Variants in GCA observed in about 807,000 individuals in gnomAD.
GCA encodes the protein grancalcin, EF-hand calcium-binding protein.
A neutral mutation model predicts 32.6 loss-of-function variants in GCA; 30 were observed. That is an observed-to-expected ratio of 0.92 (90% CI 0.69 to 1.25). The LOEUF is 1.25. Ranked by LOEUF, GCA falls within the 50% of genes most tolerant of loss-of-function variation. The probability of loss-of-function intolerance (pLI) is 0.00; values close to 1 mark genes in which losing one functional copy is unlikely to be tolerated. For missense variants in GCA, 291 were observed against 266.8 expected, an observed-to-expected ratio of 1.09 and a Z score of -0.63; for synonymous variants, 102 against 84.6, an observed-to-expected ratio of 1.21 and a Z score of -1.13.
At chr2:162,372,139 T>C (rs2105382225), downstream of GCA, 4 of 1,452,470 alleles carry the variant, frequency 2.8e-6, no homozygotes, top group Non-Finnish European at 1.9e-6. Context: ...TTCACATTGA[T>C]AGATAGTCAT....
downstream of GCA, among the ~76,000 whole-genome samples, chr2:162,375,028 T>C (rs1475107063): frequency 1.3e-5 from 2 of 152,178 alleles, no homozygotes; most frequent in African/African-American, 4.8e-5. Context: ...TTATACATAT[T>C]TTTCTTTCAT....
At chr2:162,327,542 A>C (rs1463418909) in intron 1 of GCA, among the ~76,000 whole-genome samples, 1 of 152,116 alleles carries the variant, frequency 6.6e-6, no homozygotes, top group Non-Finnish European at 1.5e-5. Context: ...GGTTCTGTTG[A>C]CATATTAAGC....
intron 2 of GCA, among the ~76,000 whole-genome samples, chr2:162,350,762 T>C (rs1458589448): frequency 6.6e-6 from 1 of 152,204 alleles, no homozygotes; most frequent in African/African-American, 2.4e-5. Context: ...TTTGAATAAA[T>C]AAACTCCATA....
At chr2:162,330,991 T>C (rs1254649185) in intron 1 of GCA, among the ~76,000 whole-genome samples, 1 of 152,236 alleles carries the variant, frequency 6.6e-6, no homozygotes, top group Non-Finnish European at 1.5e-5. Context: ...TCATCAACAT[T>C]GAATTCACAA....
At chr2:162,373,956 A>G (rs538150135), downstream of GCA, among the ~76,000 whole-genome samples, 3 of 152,310 alleles carry the variant, frequency 2.0e-5, no homozygotes, top group Admixed American at 6.5e-5. Flanking sequence ...TGTAAAACAC[A>G]CTGACAATTT....
At chr2:162,375,084 C>T (rs1485788255), downstream of GCA, among the ~76,000 whole-genome samples, 1 of 152,156 alleles carries the variant, frequency 6.6e-6, no homozygotes, top group Non-Finnish European at 1.5e-5. Context: ...ATCCCAAAAT[C>T]TTTCCTTATT....
intron 1 of GCA, among the ~76,000 whole-genome samples, chr2:162,345,966 A>C (rs1343725367): frequency 1.3e-5 from 2 of 152,196 alleles, no homozygotes; most frequent in Non-Finnish European, 2.9e-5. Flanking sequence ...TTATCTAATT[A>C]AGTGCATGAT....
At chr2:162,344,311 C>T (rs377659327) in intron 1 of GCA, 36 bp downstream of exon 1, 3 of 1,608,684 alleles carry the variant, frequency 1.9e-6, no homozygotes, top group African/African-American at 2.7e-5. Flanking sequence ...CCCTCTTCCT[C>T]GCGGGGTGTG....
intron 1 of GCA, among the ~76,000 whole-genome samples, chr2:162,328,795 C>T (rs911347839): frequency 1.3e-5 from 2 of 152,146 alleles, no homozygotes; most frequent in Admixed American, 6.5e-5. Flanking sequence ...CTGGAAAAAT[C>T]GGAATCAATC....
downstream of GCA, among the ~76,000 whole-genome samples, chr2:162,363,924 G>A (rs923262616): frequency 6.6e-6 from 1 of 151,438 alleles, no homozygotes; most frequent in Non-Finnish European, 1.5e-5. Flanking sequence ...ACATCACTAT[G>A]ATGTGCCATA....
intron 1 of GCA, among the ~76,000 whole-genome samples, chr2:162,320,530 G>C (rs1013216974): frequency 1.8e-4 from 27 of 152,106 alleles, no homozygotes. Flanking sequence ...ACTGAATATG[G>C]GGAACCAGTT....
At chr2:162,355,814 C>T (rs972410774) in intron 3 of GCA, among the ~76,000 whole-genome samples, 2 of 151,220 alleles carry the variant, frequency 1.3e-5, no homozygotes, top group South Asian at 2.1e-4. Flanking sequence ...TGGTCTATTA[C>T]AATAAATTAC....
At chr2:162,348,018 C>T (rs371764968) in intron 2 of GCA, among the ~76,000 whole-genome samples, 15 of 152,032 alleles carry the variant, frequency 9.9e-5, no homozygotes, top group African/African-American at 2.2e-4. Flanking sequence ...AGTATGCTTG[C>T]GTTACTGAAA....
intron 3 of GCA, among the ~76,000 whole-genome samples, chr2:162,354,689 A>G (rs1685173717): frequency 6.6e-6 from 1 of 152,162 alleles, no homozygotes; most frequent in Non-Finnish European, 1.5e-5. Context: ...TTTTCTCATT[A>G]CAAGTTCAGG....
At chr2:162,340,403 C>G (rs1684402914), upstream of GCA, among the ~76,000 whole-genome samples, 1 of 152,220 alleles carries the variant, frequency 6.6e-6, no homozygotes, top group Non-Finnish European at 1.5e-5. Context: ...ACCCTGCTGG[C>G]TATACCTTAA....
At chr2:162,371,574 AAAAAAT>A (rs1685948281) in exon 5 of GCA, 1 of 862,778 alleles carries the variant, frequency 1.2e-6, no homozygotes, top group Non-Finnish European at 1.6e-6. Flanking sequence ...CATGTGATTT[AAAAAAT>A]AAAAATAAAA....
In GCA at chr2:162,344,152, C is replaced by G. The variant is rs947784581; in HGVS notation, c.-97C>G. On this transcript the variant is annotated 5_prime_UTR_variant, in exon 1 of 8. Transcript: ENST00000437150. Reference sequence around the variant, plus strand: ...CGGTTAGTGCGCCTTTCAGCCTCACCTGCAGCTGCGCCTCCTTGCACCTGC... The same window carrying G: ...CGGTTAGTGCGCCTTTCAGCCTCACGTGCAGCTGCGCCTCCTTGCACCTGC... 3 of 1,332,970 alleles carry G rather than the reference C, an allele frequency of 2.3e-6. No homozygotes were observed. Among genetic ancestry groups the G allele is most frequent in the East Asian group, 4.6e-5 (2 of 43,272 alleles). 82.6% of individuals were successfully genotyped at this position (1,332,970 alleles called of 1,614,324 possible).
chr2:162,365,502 A>G (rs908370538), downstream of GCA, among the ~76,000 whole-genome samples: 1 of 151,680 alleles, frequency 6.6e-6, no homozygotes, highest in African/African-American at 2.4e-5. Flanking sequence ...TTATGTGCAT[A>G]AAAACTAGGA....
chr2:162,364,761 C>G (rs1451323132), downstream of GCA, among the ~76,000 whole-genome samples: 1 of 151,290 alleles, frequency 6.6e-6, no homozygotes, highest in Non-Finnish European at 1.5e-5. Flanking sequence ...AAGTATGAAA[C>G]TCGGGCAAAA....
Sources: allele counts gnomAD v4.1 joint callset (sites outside exome capture counted in the v4.1 genomes callset), GRCh38; gene constraint gnomAD v4.1.1; transcripts MANE v1.5; gene names NCBI Gene and HGNC (gene_info 2026-07-23, HGNC 2026-07-21).